RERE: variants seen among roughly 807,000 people sequenced by gnomAD.
The protein encoded by RERE is arginine-glutamic acid dipeptide repeats protein.
RERE carries 40 observed loss-of-function variants against 146.1 expected under a neutral mutation model. That is an observed-to-expected ratio of 0.27 (90% CI 0.21 to 0.36). The LOEUF is 0.36. RERE is among the 10% of genes least tolerant of loss of function. The pLI is 1.00. For missense variants in RERE, 1,933 were observed against 2,138.7 expected (o/e 0.90, Z 1.90); for synonymous variants, 1,003 against 866.0 (o/e 1.16, Z -2.78).
chr1:8,598,271 G>A (rs1276111940), intron 4 of RERE, among the ~76,000 whole-genome samples: 1 of 152,196 alleles, frequency 6.6e-6, no homozygotes, highest in Non-Finnish European at 1.5e-5. Flanking sequence ...TACGAGCTGT[G>A]AATCTGGTAG....
chr1:8,475,057 C>T (rs760783580), intron 10 of RERE, among the ~76,000 whole-genome samples: 4 of 152,058 alleles, frequency 2.6e-5, no homozygotes, highest in Non-Finnish European at 4.4e-5. Context: ...AAGACCTTGC[C>T]GAAATATGTT....
At chr1:8,662,412 T>C (rs1280084394) in intron 1 of RERE, among the ~76,000 whole-genome samples, 1 of 152,250 alleles carries the variant, frequency 6.6e-6, no homozygotes, top group Non-Finnish European at 1.5e-5. Context: ...CAGCGGCTCA[T>C]GCCTATAATC....
Position 8,361,212 on chromosome 1 carries a change from C to T in RERE, c.2295G>A (p.Gly765=). 1 of 1,518,928 alleles carries T rather than the reference C, an allele frequency of 6.6e-7. No individual in the cohort carries two copies. Among genetic ancestry groups the T allele is most frequent in the Admixed American group, 2.1e-5 (1 of 47,174 alleles). The allele number at this position is 1,518,928 out of a possible 1,614,324, so 94.1% of individuals were successfully genotyped here. A position where few individuals can be genotyped will look rare whatever the true frequency, so the allele number is the denominator to read the frequency against. ...GAACTGCAGTGGCAGAGGGCGTGGG[C>T]CCTGGCGTGGGCAGCTGAGGGGTCC... The part of the protein sequence containing the change: ...PPGTPQLPTP[G]PTPSATAVPP... Residue 765 remains glycine, a synonymous_variant, in exon 18 of 23, where the codon GGG becomes GGA. Transcript: ENST00000400908.
At chr1:8,504,545 T>C (rs773925622) in intron 8 of RERE, among the ~76,000 whole-genome samples, 1 of 152,142 alleles carries the variant, frequency 6.6e-6, no homozygotes, top group Non-Finnish European at 1.5e-5. Context: ...CCTAATAAAA[T>C]AATGGATCTA....
intron 3 of RERE, among the ~76,000 whole-genome samples, chr1:8,620,581 A>G (rs1329463550): frequency 6.6e-6 from 1 of 152,148 alleles, no homozygotes; most frequent in African/African-American, 2.4e-5. Flanking sequence ...AATTTGGCTC[A>G]ATTAATCTTT....
chr1:8,704,904 A>T (rs1206519158), intron 1 of RERE, among the ~76,000 whole-genome samples: 2 of 152,206 alleles, frequency 1.3e-5, no homozygotes, highest in African/African-American at 4.8e-5. Flanking sequence ...AAGCTCCACT[A>T]AACACCATTC....
chr1:8,435,817 GATA>G (rs1337099343), intron 11 of RERE, among the ~76,000 whole-genome samples: 23 of 152,344 alleles, frequency 1.5e-4, no homozygotes, highest in Non-Finnish European at 2.9e-5. Context: ...TCTGGGTCTA[GATA>G]ATTACACTGA....
chr1:8,487,183 CATT>C (rs1413118747), intron 10 of RERE, among the ~76,000 whole-genome samples: 1 of 152,090 alleles, frequency 6.6e-6, no homozygotes, highest in Non-Finnish European at 1.5e-5. Flanking sequence ...ATAATAATCT[CATT>C]AGATGCAGAA....
chr1:8,614,250 T>C (rs1243583690), intron 4 of RERE, among the ~76,000 whole-genome samples: 3 of 152,124 alleles, frequency 2.0e-5, no homozygotes, highest in East Asian at 1.9e-4. Flanking sequence ...ACCCCCTTTT[T>C]TCCCCATTTC....
intron 12 of RERE, among the ~76,000 whole-genome samples, chr1:8,378,454 C>T (rs1242715162): frequency 6.6e-6 from 1 of 152,194 alleles, no homozygotes; most frequent in African/African-American, 2.4e-5. Flanking sequence ...CCCAGGGCCT[C>T]TCAATGTGAC....
intron 11 of RERE, 152 bp downstream of exon 11, chr1:8,465,773 T>A: frequency 1.4e-6 from 1 of 703,422 alleles, no homozygotes; most frequent in Non-Finnish European, 2.6e-6. Context: ...ATTAAGGGGC[T>A]GAAGGGCCCC....
chr1:8,381,261 G>A (rs374675953), intron 12 of RERE, among the ~76,000 whole-genome samples: 7 of 152,024 alleles, frequency 4.6e-5, no homozygotes, highest in East Asian at 1.9e-4. Context: ...CCTTTCCTCC[G>A]ACTGGACTCT....
chr1:8,563,810 TA>T (rs1557688403), intron 4 of RERE, among the ~76,000 whole-genome samples: 1 of 152,218 alleles, frequency 6.6e-6, no homozygotes. Context: ...CTGTATGGCT[TA>T]AAAAGATACT....
chr1:8,651,372 T>C (rs758350316), intron 2 of RERE, among the ~76,000 whole-genome samples: 1 of 152,070 alleles, frequency 6.6e-6, no homozygotes, highest in Non-Finnish European at 1.5e-5. Context: ...ATCACGCCAC[T>C]ACCCTCCAGT....
intron 7 of RERE, among the ~76,000 whole-genome samples, chr1:8,530,266 AGT>A (rs1157827394): frequency 1.3e-5 from 2 of 152,148 alleles, no homozygotes; most frequent in African/African-American, 4.8e-5. Context: ...ATGAGAGCTG[AGT>A]GGGAGAGAAG....
chr1:8,716,299 C>CAAA (rs34590852), intron 1 of RERE, among the ~76,000 whole-genome samples: 3 of 109,582 alleles, frequency 2.7e-5, no homozygotes, highest in Admixed American at 9.6e-5. Context: ...CTCATCTCTA[C>CAAA]AAAAAAAAAA....
At chr1:8,598,735 G>A (rs1646585322) in intron 4 of RERE, among the ~76,000 whole-genome samples, 1 of 152,188 alleles carries the variant, frequency 6.6e-6, no homozygotes, top group African/African-American at 2.4e-5. Flanking sequence ...AATCTGATGA[G>A]TTTTTCAGGG....
intron 1 of RERE, among the ~76,000 whole-genome samples, chr1:8,778,704 C>A (rs552789202): frequency 2.0e-5 from 3 of 151,902 alleles, no homozygotes; most frequent in Non-Finnish European, 4.4e-5. Flanking sequence ...GTTGTGGTGG[C>A]ATGTGCCTGT....
chr1:8,629,316 G>A (rs978064450), intron 2 of RERE, among the ~76,000 whole-genome samples: 3 of 152,162 alleles, frequency 2.0e-5, no homozygotes, highest in African/African-American at 7.2e-5. Flanking sequence ...CTTGTGAACA[G>A]GGAGCAACAA....
Sources: allele counts gnomAD v4.1 joint callset (sites outside exome capture counted in the v4.1 genomes callset), GRCh38; gene constraint gnomAD v4.1.1; transcripts MANE v1.5; gene names NCBI Gene and HGNC (gene_info 2026-07-23, HGNC 2026-07-21).